The following UVRAG variants were observed in gnomAD, a reference collection of about 807,000 sequenced individuals.
UVRAG encodes the protein UV radiation resistance-associated gene protein.
Under a neutral mutation model 78.0 loss-of-function variants are expected in UVRAG, and 19 were observed. The observed-to-expected ratio is 0.24, with a 90% CI of 0.17 to 0.36. The LOEUF (loss-of-function observed/expected upper bound fraction) is 0.36. UVRAG is among the 10% of genes least tolerant of loss of function. UVRAG has a pLI of 1.00. For missense variants in UVRAG, 740 were observed against 853.8 expected (o/e 0.87, Z 1.66); for synonymous variants, 323 against 324.6 (o/e 1.00, Z 0.05).
At chr11:75,888,541 CAGGAAT>C (rs1159962440) in intron 4 of UVRAG, among the ~76,000 whole-genome samples, 1 of 152,178 alleles carries the variant, frequency 6.6e-6, no homozygotes. Context: ...CCCTATTGTT[CAGGAAT>C]AGCCATTCCA....
intron 8 of UVRAG, among the ~76,000 whole-genome samples, chr11:76,000,474 G>A (rs1401103488): frequency 2.0e-5 from 3 of 152,040 alleles, no homozygotes; most frequent in Admixed American, 6.6e-5. Flanking sequence ...CAGGCATGAT[G>A]GAGTGCACCT....
intron 7 of UVRAG, among the ~76,000 whole-genome samples, chr11:75,979,205 G>A (rs1664093131): frequency 6.6e-6 from 1 of 152,196 alleles, no homozygotes; most frequent in Admixed American, 6.5e-5. Flanking sequence ...TTGCAGAACG[G>A]CAAATGTTGC....
rs1946896395 is a variant in UVRAG, at chr11:75,879,735, A to G, written c.271-144A>G. On this transcript the variant is annotated intron_variant, in intron 3 of 14. Transcript: ENST00000356136. ...TATCACCCCTTTTGTGTTAATTGTA[A>G]TGTCTTCTTGGCTTACTTAAGTTTG... 4.9e-6 allele frequency: 5 copies of G among 1,012,918 alleles called. No homozygotes were observed. The Admixed American group carries it at 7.2e-5, about 15-fold the overall frequency. The allele number at this position is 1,012,918 out of a possible 1,614,324, so 62.7% of individuals were successfully genotyped here. A position where few individuals can be genotyped will look rare whatever the true frequency, so the allele number is the denominator to read the frequency against.
At chr11:75,852,379 GT>G (rs1946173283) in intron 2 of UVRAG, among the ~76,000 whole-genome samples, 1 of 152,118 alleles carries the variant, frequency 6.6e-6, no homozygotes, top group African/African-American at 2.4e-5. Context: ...TCTCGTATCT[GT>G]AATTCCCTGT....
At chr11:75,882,688 C>T (rs1590971731) in intron 4 of UVRAG, among the ~76,000 whole-genome samples, 1 of 152,204 alleles carries the variant, frequency 6.6e-6, no homozygotes, top group East Asian at 1.9e-4. Context: ...AGCATCTTCC[C>T]AAGCCTCCTC....
At chr11:76,137,491 T>C (rs1301472445) in intron 14 of UVRAG, 2 of 455,766 alleles carry the variant, frequency 4.4e-6, no homozygotes, top group East Asian at 1.4e-4. Flanking sequence ...AAAGGTTAAA[T>C]CTCATAGAAC....
chr11:75,859,112 C>T (rs954636081), intron 2 of UVRAG, among the ~76,000 whole-genome samples: 9 of 152,174 alleles, frequency 5.9e-5, no homozygotes, highest in African/African-American at 1.4e-4. Flanking sequence ...TGGTGGCTCA[C>T]GCCTGTAATC....
chr11:75,956,596 G>A (rs1330511486), intron 6 of UVRAG, among the ~76,000 whole-genome samples: 1 of 152,038 alleles, frequency 6.6e-6, no homozygotes, highest in Non-Finnish European at 1.5e-5. Context: ...ATGTTGGCCA[G>A]GATGGTCTTG....
At chr11:75,984,316 C>G (rs1031876322) in intron 8 of UVRAG, among the ~76,000 whole-genome samples, 5 of 152,160 alleles carry the variant, frequency 3.3e-5, no homozygotes, top group African/African-American at 1.2e-4. Flanking sequence ...CACATCCCAT[C>G]AAGTCTACAA....
intron 12 of UVRAG, among the ~76,000 whole-genome samples, chr11:76,038,207 T>G (rs1950575751): frequency 6.6e-6 from 1 of 152,134 alleles, no homozygotes; most frequent in South Asian, 2.1e-4. Context: ...AACCTGAAAT[T>G]GTGAGCATGA....
At chr11:76,000,122 A>G (rs1018732617) in intron 8 of UVRAG, among the ~76,000 whole-genome samples, 1 of 152,228 alleles carries the variant, frequency 6.6e-6, no homozygotes, top group Non-Finnish European at 1.5e-5. Flanking sequence ...GAAAGGAACA[A>G]AGAAGAAATG....
intron 1 of UVRAG, among the ~76,000 whole-genome samples, chr11:75,835,939 T>A (rs999728414): frequency 1.3e-5 from 2 of 151,540 alleles, no homozygotes; most frequent in South Asian, 2.1e-4. Flanking sequence ...TTAAAAAAAA[T>A]ATATACAAAA....
At chr11:75,850,341 G>A (rs1260598013) in intron 1 of UVRAG, among the ~76,000 whole-genome samples, 1 of 152,140 alleles carries the variant, frequency 6.6e-6, no homozygotes, top group Admixed American at 6.6e-5. Flanking sequence ...TTTGAAATAT[G>A]CATAGGATCT....
intron 6 of UVRAG, among the ~76,000 whole-genome samples, chr11:75,955,264 G>T (rs1948772435): frequency 6.6e-6 from 1 of 152,148 alleles, no homozygotes; most frequent in Admixed American, 6.5e-5. Context: ...GATTCCTTAG[G>T]AGCCCTGAGG....
chr11:75,934,699 TC>T (rs375873121), intron 6 of UVRAG, among the ~76,000 whole-genome samples: 164 of 152,178 alleles, frequency 1.1e-3, no homozygotes, highest in African/African-American at 3.7e-3. Flanking sequence ...TACAAAAAAA[TC>T]CACTGAGCAG....
At chr11:75,956,117 G>A (rs1948792759) in intron 6 of UVRAG, among the ~76,000 whole-genome samples, 1 of 152,094 alleles carries the variant, frequency 6.6e-6, no homozygotes, top group Admixed American at 6.6e-5. Flanking sequence ...TACCAGTGGT[G>A]TGTTCCTTTT....
chr11:75,928,210 C>T (rs1199625914), intron 6 of UVRAG, among the ~76,000 whole-genome samples: 2 of 152,168 alleles, frequency 1.3e-5, no homozygotes, highest in Admixed American at 6.5e-5. Context: ...GTGAAATAGC[C>T]ATCCCACACT....
chr11:75,838,102 A>G (rs1945824556), intron 1 of UVRAG, among the ~76,000 whole-genome samples: 1 of 152,190 alleles, frequency 6.6e-6, no homozygotes, highest in Non-Finnish European at 1.5e-5. Flanking sequence ...AAAACCCTAC[A>G]AACTAATAGT....
At chr11:76,103,193 T>G (rs977127401) in intron 13 of UVRAG, among the ~76,000 whole-genome samples, 2 of 152,178 alleles carry the variant, frequency 1.3e-5, no homozygotes, top group Non-Finnish European at 2.9e-5. Context: ...GTAAAGAGTT[T>G]GTGTGATTAG....
Sources: gnomAD v4.1 joint callset for allele counts (sites outside exome capture counted in the v4.1 genomes callset) on GRCh38, gnomAD v4.1.1 for gene constraint, MANE v1.5 for transcripts, NCBI Gene and HGNC (gene_info 2026-07-23, HGNC 2026-07-21) for gene names.